Variants in GMDS observed in about 807,000 individuals in gnomAD.
GMDS encodes GDP-mannose 4,6-dehydratase.
A neutral mutation model predicts 49.9 loss-of-function variants in GMDS; 20 were observed. The ratio of observed to expected loss-of-function variants is 0.40; its 90% confidence interval spans 0.28 to 0.58. The LOEUF (loss-of-function observed/expected upper bound fraction) is 0.58, where lower values mean the gene tolerates loss of function less well. Ranked by LOEUF, GMDS falls within the 20% of genes least tolerant of loss-of-function variation. GMDS has a pLI of 0.42. For missense variants in GMDS, 362 were observed against 481.4 expected, an observed-to-expected ratio of 0.75 and a Z score of 2.32; for synonymous variants, 177 against 178.6, an observed-to-expected ratio of 0.99 and a Z score of 0.07.
intron 1 of GMDS, among the ~76,000 whole-genome samples, chr6:2,134,626 T>A (rs1775903750): frequency 6.6e-6 from 1 of 152,214 alleles, no homozygotes; most frequent in South Asian, 2.1e-4. Flanking sequence ...CACTTTTTGG[T>A]CTAATCTTAA....
intron 4 of GMDS, among the ~76,000 whole-genome samples, chr6:2,014,113 T>A (rs1199407416): frequency 9.3e-5 from 11 of 118,656 alleles, no homozygotes; most frequent in East Asian, 2.8e-4. Flanking sequence ...AACAAAATTA[T>A]CCCCCCCCCC....
intron 1 of GMDS, among the ~76,000 whole-genome samples, chr6:2,231,483 G>A (rs1189145092): frequency 6.6e-6 from 1 of 152,170 alleles, no homozygotes; most frequent in Non-Finnish European, 1.5e-5. Context: ...AGGATGGCTT[G>A]AGCCCAGGAG....
At chr6:1,868,867 T>C (rs749272138) in intron 7 of GMDS, among the ~76,000 whole-genome samples, 6 of 152,256 alleles carry the variant, frequency 3.9e-5, no homozygotes, top group Non-Finnish European at 5.9e-5. Flanking sequence ...CAGAAAATTA[T>C]GAATATGTTT....
chr6:2,172,732 A>T (rs1366356015), intron 1 of GMDS, among the ~76,000 whole-genome samples: 1 of 152,140 alleles, frequency 6.6e-6, no homozygotes, highest in Non-Finnish European at 1.5e-5. Context: ...TGCAAAAAGT[A>T]TTAGAATTGC....
chr6:2,132,831 T>C (rs774433373), intron 1 of GMDS, among the ~76,000 whole-genome samples: 7 of 152,344 alleles, frequency 4.6e-5, no homozygotes, highest in Middle Eastern at 3.4e-3. Flanking sequence ...GTTTACAATA[T>C]ACTAGCTGAA....
chr6:1,762,929 AT>A (rs1011514662), intron 7 of GMDS, among the ~76,000 whole-genome samples: 1 of 152,236 alleles, frequency 6.6e-6, no homozygotes, highest in African/African-American at 2.4e-5. Flanking sequence ...TAGCAATTGA[AT>A]GTTTGCTCCA....
At chr6:1,741,871 CTA>C (rs1491371545) in intron 8 of GMDS, among the ~76,000 whole-genome samples, 2 of 122,752 alleles carry the variant, frequency 1.6e-5, no homozygotes, top group African/African-American at 5.9e-5. Flanking sequence ...ACATTTAAAA[CTA>C]AAAAAAGTAA....
intron 6 of GMDS, 198 bp from the exon 7 acceptor site, chr6:1,930,428 T>A (rs965102302): frequency 4.7e-5 from 22 of 468,346 alleles, no homozygotes; most frequent in Non-Finnish European, 7.1e-5. Context: ...CCTAATTCCA[T>A]GTGTCACATC....
chr6:1,980,681 T>G (rs1765173687), intron 4 of GMDS, among the ~76,000 whole-genome samples: 1 of 152,166 alleles, frequency 6.6e-6, no homozygotes. Flanking sequence ...GGACCTGAAC[T>G]CAGCTCTGGA....
intron 7 of GMDS, among the ~76,000 whole-genome samples, chr6:1,850,045 A>G (rs1757588574): frequency 6.6e-6 from 1 of 152,222 alleles, no homozygotes; most frequent in Non-Finnish European, 1.5e-5. Context: ...ATGTGTTCCA[A>G]CGTAAAATAT....
At chr6:2,134,428 G>A (rs1389967199) in intron 1 of GMDS, among the ~76,000 whole-genome samples, 1 of 152,130 alleles carries the variant, frequency 6.6e-6, no homozygotes, top group Non-Finnish European at 1.5e-5. Flanking sequence ...GAGTTCTCTA[G>A]GTGGAAAAAT....
chr6:1,934,161 C>A (rs572440896), intron 6 of GMDS, among the ~76,000 whole-genome samples: 1 of 152,204 alleles, frequency 6.6e-6, no homozygotes, highest in African/African-American at 2.4e-5. Flanking sequence ...GCATTTTCCT[C>A]AAAAATCAAT....
intron 4 of GMDS, among the ~76,000 whole-genome samples, chr6:1,963,747 T>C (rs1256475967): frequency 6.6e-6 from 1 of 152,156 alleles, no homozygotes; most frequent in Non-Finnish European, 1.5e-5. Context: ...AGAGCGGGTG[T>C]CAGGGCTCTG....
rs757528785 is a variant in GMDS at position 2,168,495 on chromosome 6, C to T, written c.103-43764G>A. ...TCAGATGGCAGCCTTTAGCCTACAT[C>T]ACCACAAATCAATATTAAATAACTA... On this transcript the variant is annotated intron_variant, in intron 1 of 10. Transcript: ENST00000380815. Among the ~76,000 whole-genome samples, 4 of 152,346 alleles carry T rather than the reference C, an allele frequency of 2.6e-5. No homozygotes were observed. In the Middle Eastern group the frequency reaches 0.014, roughly 518 times the overall value.
intron 7 of GMDS, among the ~76,000 whole-genome samples, chr6:1,799,717 T>C (rs1191748812): frequency 6.6e-6 from 1 of 152,144 alleles, no homozygotes; most frequent in Non-Finnish European, 1.5e-5. Flanking sequence ...TCTTGATATA[T>C]GCATATGCTA....
chr6:1,987,450 A>AGTC (rs1264822777), intron 4 of GMDS, among the ~76,000 whole-genome samples: 2 of 152,176 alleles, frequency 1.3e-5, no homozygotes, highest in Non-Finnish European at 2.9e-5. Context: ...ATCACTTGAC[A>AGTC]GTCGTATTTT....
intron 4 of GMDS, among the ~76,000 whole-genome samples, chr6:2,051,280 CA>C (rs1770381383): frequency 6.6e-6 from 1 of 152,162 alleles, no homozygotes; most frequent in Non-Finnish European, 1.5e-5. Context: ...AACCATAAGA[CA>C]GTAAGTTTTT....
chr6:2,210,554 A>G (rs912654490), intron 1 of GMDS, among the ~76,000 whole-genome samples: 2 of 152,158 alleles, frequency 1.3e-5, no homozygotes, highest in African/African-American at 4.8e-5. Context: ...AGGAAAGGAA[A>G]TCAGCTAGGG....
intron 7 of GMDS, among the ~76,000 whole-genome samples, chr6:1,744,144 TA>T (rs1297321300): frequency 6.6e-6 from 1 of 152,218 alleles, no homozygotes; most frequent in Non-Finnish European, 1.5e-5. Context: ...AAATAAAATT[TA>T]AAATAATTTC....
Sources: allele counts gnomAD v4.1 joint callset (sites outside exome capture counted in the v4.1 genomes callset), GRCh38; gene constraint gnomAD v4.1.1; transcripts MANE v1.5; gene names NCBI Gene and HGNC (gene_info 2026-07-23, HGNC 2026-07-21).